The following MYRF variants were observed in gnomAD, a reference collection of about 807,000 sequenced individuals.
MYRF encodes the protein myelin regulatory factor.
A neutral mutation model predicts 126.3 loss-of-function variants in MYRF; 16 were observed. The observed-to-expected ratio is 0.13, with a 90% CI of 0.09 to 0.19. The LOEUF is 0.19. MYRF is among the 10% of genes least tolerant of loss of function. MYRF has a pLI of 1.00. For synonymous variants in MYRF, 608 were observed against 635.3 expected (o/e 0.96, Z 0.65); for missense variants, 1,104 against 1,547.0 (o/e 0.71, Z 4.80).
rs780990248 is a variant in MYRF, at chr11:61,777,218, T to TC, written c.1591-42dup. On this transcript the variant is annotated intron_variant, in intron 11 of 26. Transcript: ENST00000278836. The surrounding 1 kb of genome is among the most constrained non-coding windows in gnomAD (Gnocchi z 8.8). ...CCCCCTGCTCCCAGGGCCCTGCAGG[T>TC]CCCCTCCCTATCCCCCAGGACTGAT... 6.8e-5 allele frequency: 108 copies of TC among 1,578,864 alleles called. No individual in the cohort carries two copies. The African/African-American group carries it at 1.3e-3, about 18-fold the overall frequency.
chr11:61,778,936 G>A lies in MYRF; in HGVS notation c.2014-327G>A. The stretch of plus-strand genomic sequence containing the variant: ...TGAAGTGCTGACATCTGAGACACCA[G>A]TCATCCGAGGGGCAGATCCCGGGGC... On this transcript the variant is annotated intron_variant, in intron 14 of 26. Transcript: ENST00000278836. This position sits in a 1 kb window ranked among gnomAD's most constrained non-coding sequence, Gnocchi z 4.6. 1.7e-6 allele frequency: 1 copy of A among 594,608 alleles called. No individual in the cohort carries two copies. The highest frequency in any genetic ancestry group is 1.5e-5 in the South Asian group (1 of 65,834). 36.8% of individuals were successfully genotyped at this position (594,608 alleles called of 1,614,324 possible).
chr11:61,783,693 G>C lies in MYRF; in HGVS notation c.3119+93G>C. 1 of 1,395,150 alleles carries C rather than the reference G, an allele frequency of 7.2e-7. No individual in the cohort carries two copies. The allele number at this position is 1,395,150 out of a possible 1,614,324, so 86.4% of individuals were successfully genotyped here. A position where few individuals can be genotyped will look rare whatever the true frequency, so the allele number is the denominator to read the frequency against. ...ACCCGGAACTTGCCCTTTCAGGGAG[G>C]AGCCTCCCCCATAAGGAAGGGTAGC... On this transcript the variant is annotated intron_variant, in intron 23 of 26. Transcript: ENST00000278836. The surrounding 1 kb of genome is among the most constrained non-coding windows in gnomAD (Gnocchi z 4.6).
rs757350022 is a variant in MYRF, at chr11:61,771,922, C to T, written c.1085C>T (p.Ala362Val). Reference sequence around the variant, plus strand: ...CAGCCTCATCAGCAGAACAAGTGGGCGACCCTGTACGATGCTAACTACAAG... The same window carrying T: ...CAGCCTCATCAGCAGAACAAGTGGGTGACCCTGTACGATGCTAACTACAAG... ...KWQPHQQNKW[A>V]TLYDANYKEL... is the part of the protein sequence containing the mutation. The change falls in exon 7 of 27, where the codon GCG becomes GTG. Residue 362 changes from alanine to valine, a missense_variant. This residue lies in a region of MYRF where 87 missense variants were observed against 129.2 expected (regional missense o/e 0.67). Coordinates refer to ENST00000278836, the MANE Select transcript of MYRF (RefSeq NM_001127392.3). 17 of 1,613,960 alleles carry T rather than the reference C, an allele frequency of 1.1e-5. No homozygotes were observed. The highest frequency in any genetic ancestry group is 2.2e-5 in the South Asian group (2 of 91,076).
chr11:61,787,659 A>T lies in MYRF; in HGVS notation c.*1516A>T, dbSNP rs1161083637. Reference sequence around the variant, plus strand: ...AGGGGGATGCAGGAATAGCAGGGATAGCTTGCTCCCAGCCCCCTCCCCAAT... The same window carrying T: ...AGGGGGATGCAGGAATAGCAGGGATTGCTTGCTCCCAGCCCCCTCCCCAAT... On this transcript the variant is annotated 3_prime_UTR_variant, in exon 27 of 27. Transcript: ENST00000278836. The T allele has an allele frequency of 1.3e-5, 2 of 152,732 alleles. No individual in the cohort carries two copies. Among genetic ancestry groups the T allele is most frequent in the Non-Finnish European group, 2.9e-5 (2 of 68,022 alleles). The allele number at this position is 152,732 out of a possible 1,614,324, so 9.5% of individuals were successfully genotyped here.
At chr11:61,769,018 C>A (rs1404558994) in intron 3 of MYRF, among the ~76,000 whole-genome samples, 1 of 152,186 alleles carries the variant, frequency 6.6e-6, no homozygotes, top group Non-Finnish European at 1.5e-5. Context: ...GTAACTGCCC[C>A]CCAAGTGCCC....
chr11:61,772,059 C>T (rs2066239850), intron 7 of MYRF, 107 bp downstream of exon 7: 1 of 1,468,946 alleles, frequency 6.8e-7, no homozygotes, highest in Non-Finnish European at 9.2e-7. Flanking sequence ...GCACTCATTT[C>T]ACAGAAGAGC....
At chr11:61,766,408 C>G in intron 3 of MYRF, 187 bp downstream of exon 3, 1 of 581,072 alleles carries the variant, frequency 1.7e-6, no homozygotes, top group Non-Finnish European at 2.9e-6. Context: ...GGGCTTTGTT[C>G]TGAGGCAGTG....
rs1011031089 is a variant in MYRF at position 61,765,949 on chromosome 11, T to C, written c.135-9T>C. The C allele has an allele frequency of 6.7e-7, 1 of 1,492,060 alleles. No homozygotes were observed. The highest frequency in any genetic ancestry group is 8.9e-7 in the Non-Finnish European group (1 of 1,123,174). The allele number at this position is 1,492,060 out of a possible 1,614,324, so 92.4% of individuals were successfully genotyped here. The stretch of plus-strand genomic sequence containing the variant: ...CTGGCTGGAGCTGAGCCGCCCCCCT[T>C]CCCCGCAGCTGCTTCCCTGACATCT... On this transcript the variant is annotated splice_polypyrimidine_tract_variant and intron_variant, in intron 2 of 26. Coordinates refer to ENST00000278836, the MANE Select transcript of MYRF (RefSeq NM_001127392.3).
Position 61,777,311 on chromosome 11 carries a change from G to A in MYRF, c.1638G>A (p.Gln546=). The change falls in exon 12 of 27, where the codon CAG becomes CAA. Residue 546 remains glutamine (Q), a synonymous_variant. Coordinates refer to ENST00000278836, the MANE Select transcript of MYRF (RefSeq NM_001127392.3). The surrounding 1 kb of genome is among the most constrained non-coding windows in gnomAD (Gnocchi z 8.8). ...AGAGCGACAGCGATGTGTTGTGGCA[G>A]CGGGCACAGGTGCCCGACACCGTCT... ...QFESDSDVLW[Q]RAQVPDTVFH... The A allele has an allele frequency of 6.2e-7, 1 of 1,613,416 alleles. No homozygotes were observed. The highest frequency in any genetic ancestry group is 8.5e-7 in the Non-Finnish European group (1 of 1,180,044).
At chr11:61,784,462 G>A (rs770600809) in intron 25 of MYRF, 77 bp downstream of exon 25, 2 of 1,170,222 alleles carry the variant, frequency 1.7e-6, no homozygotes, top group Non-Finnish European at 2.5e-6. Context: ...CCCAAAATGG[G>A]CAAGGAGCAG....
rs549816704 is a variant in MYRF at position 61,764,081 on chromosome 11, T to C, written c.47-1544T>C. 9.2e-5 allele frequency among the ~76,000 whole-genome samples: 14 copies of C among 152,234 alleles called. No homozygotes were observed. In the South Asian group the frequency reaches 2.9e-3, roughly 32 times the overall value. On this transcript the variant is annotated intron_variant, in intron 1 of 26. Coordinates refer to ENST00000278836, the MANE Select transcript of MYRF (RefSeq NM_001127392.3). Reference sequence around the variant, plus strand: ...CCGGCCACACCGCCCTGGACGGCCATTGGTGGTGCGTGGTGGGTGTCCCTT... The same window carrying C: ...CCGGCCACACCGCCCTGGACGGCCACTGGTGGTGCGTGGTGGGTGTCCCTT...
In MYRF at chr11:61,761,007, G is replaced by A. The variant is rs149886193; in HGVS notation, c.47-4618G>A. Among the ~76,000 whole-genome samples the A allele has an allele frequency of 7.2e-4, 110 of 152,300 alleles. 1 individual carries two copies. The highest frequency in any genetic ancestry group is 1.2e-3 in the South Asian group (6 of 4,832). ...AACTGGGGTTGTCGGAAATAGGCCT[G>A]GGCCCTGGTGTCCTCTGCACCCCAG... On this transcript the variant is annotated intron_variant, in intron 1 of 26. Coordinates refer to ENST00000278836, the MANE Select transcript of MYRF (RefSeq NM_001127392.3).
intron 1 of MYRF, among the ~76,000 whole-genome samples, chr11:61,758,962 C>A (rs1327021313): frequency 6.6e-6 from 1 of 152,218 alleles, no homozygotes; most frequent in African/African-American, 2.4e-5. Context: ...TGTGTCAGTA[C>A]TGTGTATGTG....
At chr11:61,784,572 T>G in intron 25 of MYRF, 187 bp downstream of exon 25, 3 of 588,124 alleles carry the variant, frequency 5.1e-6, no homozygotes, top group Non-Finnish European at 6.1e-6. Flanking sequence ...GTTTGTTCAT[T>G]GCACTCTGCT....
intron 1 of MYRF, among the ~76,000 whole-genome samples, chr11:61,760,116 G>A (rs541671447): frequency 3.3e-5 from 5 of 152,104 alleles, no homozygotes; most frequent in Admixed American, 2.0e-4. Flanking sequence ...TTACAGGCAC[G>A]TGCCACCATG....
At chr11:61,784,166 T>C in intron 24 of MYRF, 114 bp from the exon 25 acceptor site, 1 of 1,071,910 alleles carries the variant, frequency 9.3e-7, no homozygotes, top group African/African-American at 1.6e-5. Flanking sequence ...CTGGTTATTA[T>C]GCGGTGTTTC....
chr11:61,781,011 G>A lies in MYRF; in HGVS notation c.2538G>A (p.Thr846=), dbSNP rs533365265. The A allele has an allele frequency of 1.7e-5, 27 of 1,609,942 alleles. No homozygotes were observed. The East Asian group carries it at 1.8e-4, about 11-fold the overall frequency. ...AGCTCCGACAGTCCCCCTTGACCACGGGGCTACCAGGCATACAGCCCTCTT... is the reference window on the plus strand; with the variant it reads ...AGCTCCGACAGTCCCCCTTGACCACAGGGCTACCAGGCATACAGCCCTCTT... The part of the protein sequence containing the change: ...TTQLRQSPLT[T]GLPGIQPSLL... The change falls in exon 20 of 27, where the codon ACG becomes ACA. Residue 846 remains threonine (T), a synonymous_variant. Coordinates refer to ENST00000278836, the MANE Select transcript of MYRF (RefSeq NM_001127392.3).
chr11:61,762,739 G>A (rs2065933672), intron 1 of MYRF, among the ~76,000 whole-genome samples: 2 of 152,304 alleles, frequency 1.3e-5, no homozygotes, highest in Admixed American at 1.3e-4. Flanking sequence ...GGCCTCCAGG[G>A]CTTCCAGGAG....
chr11:61,786,240 C>A lies in MYRF; in HGVS notation c.*97C>A. On this transcript the variant is annotated 3_prime_UTR_variant, in exon 27 of 27. Transcript: ENST00000278836. The surrounding 1 kb of genome is among the most constrained non-coding windows in gnomAD (Gnocchi z 4.5). ...GTGTTACACTGGAGCCCGCTGCAGGCCAGCTCTGCTGTTCACTGGCCCTAC... is the reference window on the plus strand; with the variant it reads ...GTGTTACACTGGAGCCCGCTGCAGGACAGCTCTGCTGTTCACTGGCCCTAC... 8.5e-7 allele frequency: 1 copy of A among 1,171,346 alleles called. No individual in the cohort carries two copies. The highest frequency in any genetic ancestry group is 1.3e-6 in the Non-Finnish European group (1 of 795,884). The allele number at this position is 1,171,346 out of a possible 1,614,324, so 72.6% of individuals were successfully genotyped here.
Sources: allele counts gnomAD v4.1 joint callset (sites outside exome capture counted in the v4.1 genomes callset), GRCh38; gene constraint gnomAD v4.1.1; regional missense constraint gnomAD v4.1.1; non-coding constraint Gnocchi (gnomAD v3.1); transcripts MANE v1.5; gene names NCBI Gene and HGNC (gene_info 2026-07-23, HGNC 2026-07-21).